The following COL21A1 variants were observed in gnomAD, a reference collection of about 807,000 sequenced individuals.
COL21A1 encodes the protein collagen alpha-1(XXI) chain.
Under a neutral mutation model 137.9 loss-of-function variants are expected in COL21A1, and 149 were observed. The observed-to-expected ratio is 1.08, with a 90% CI of 0.95 to 1.24. The LOEUF is 1.24. Among genes scored for constraint, COL21A1 ranks in the 50% most tolerant of loss-of-function variants. COL21A1 has a pLI of 0.00. For missense variants in COL21A1, 1,167 were observed against 1,158.4 expected, an observed-to-expected ratio of 1.01 and a Z score of -0.11; for synonymous variants, 456 against 391.5, an observed-to-expected ratio of 1.16 and a Z score of -1.95.
intron 3 of COL21A1, among the ~76,000 whole-genome samples, chr6:56,178,929 C>T (rs1036420417): frequency 6.6e-6 from 1 of 151,946 alleles, no homozygotes; most frequent in African/African-American, 2.4e-5. Flanking sequence ...TAATGAAATT[C>T]TAGCTCAGAA....
chr6:56,271,635 G>T (rs1459020124), intron 1 of COL21A1, among the ~76,000 whole-genome samples: 1 of 152,194 alleles, frequency 6.6e-6, no homozygotes, highest in African/African-American at 2.4e-5. Flanking sequence ...TGGGCAAAAT[G>T]TCTCCAGAGC....
intron 1 of COL21A1, among the ~76,000 whole-genome samples, chr6:56,361,040 G>GC (rs2152348457): frequency 6.6e-6 from 1 of 152,334 alleles, no homozygotes; most frequent in Admixed American, 6.5e-5. Context: ...GTTGCAGTGA[G>GC]CCAAGATTGC....
At chr6:56,114,336 C>A (rs2152194100) in intron 16 of COL21A1, among the ~76,000 whole-genome samples, 1 of 152,302 alleles carries the variant, frequency 6.6e-6, no homozygotes, top group Non-Finnish European at 1.5e-5. Context: ...ATCACTCCAT[C>A]CCCAGCTTTA....
rs185495909 is a variant in COL21A1, at chr6:56,126,840, T to C, written c.1543-691A>G. On this transcript the variant is annotated intron_variant, in intron 12 of 29. Coordinates refer to ENST00000244728, the MANE Select transcript of COL21A1 (RefSeq NM_030820.4). ...GCAAAATTTGGGTCAGATTCACTTT[T>C]ATCTAGACAAATTAAGATTACACAC... 4.4e-4 allele frequency among the ~76,000 whole-genome samples: 67 copies of C among 152,334 alleles called. No individual in the cohort carries two copies. In the East Asian group the frequency reaches 0.011, roughly 26 times the overall value.
chr6:56,082,627 A>G (rs1394383086), intron 17 of COL21A1, among the ~76,000 whole-genome samples: 3 of 151,668 alleles, frequency 2.0e-5, no homozygotes, highest in Non-Finnish European at 4.4e-5. Context: ...TAGAAGTTAA[A>G]TCTTTTCCAG....
chr6:56,290,522 C>T (rs374595451), intron 1 of COL21A1, among the ~76,000 whole-genome samples: 7 of 56,954 alleles, frequency 1.2e-4, no homozygotes, highest in African/African-American at 3.1e-4. Flanking sequence ...TTTTTTGAGA[C>T]GAAGTCTTGC....
intron 1 of COL21A1, among the ~76,000 whole-genome samples, chr6:56,222,771 C>A (rs79998830): frequency 1.1e-5 from 1 of 89,218 alleles, no homozygotes; most frequent in East Asian, 7.0e-4. Context: ...AGCTCCTATT[C>A]TTTAAAAAAA....
At position 56,125,593 on chromosome 6, in the gene COL21A1, C is replaced by T. The variant is rs1280324762; in HGVS notation, c.1624G>A (p.Gly542Arg). 7.5e-6 allele frequency: 12 copies of T among 1,598,972 alleles called. No individual in the cohort carries two copies. Among genetic ancestry groups the T allele is most frequent in the Non-Finnish European group, 7.7e-6 (9 of 1,170,154 alleles). Residue 542 changes from glycine (G) to arginine (R), a missense_variant, in exon 14 of 30, where the codon GGA becomes AGA. Gly to Arg is a moderately radical substitution (Grantham distance 125, BLOSUM62 -2). Coordinates refer to ENST00000244728, the MANE Select transcript of COL21A1 (RefSeq NM_030820.4). ...KGEMGAKGDK[G>R]SPGFYGKKGA... The stretch of plus-strand genomic sequence containing the variant: ...TTTTTGCCATAAAATCCAGGTGATC[C>T]TTTGTCTCCTTTGGCACCCATTTCA...
intron 3 of COL21A1, among the ~76,000 whole-genome samples, chr6:56,175,294 G>A (rs147670756): frequency 9.9e-4 from 151 of 152,050 alleles, no homozygotes; most frequent in African/African-American, 3.5e-3. Flanking sequence ...GAGGAATTAG[G>A]CAAGAAAAGA....
intron 1 of COL21A1, among the ~76,000 whole-genome samples, chr6:56,343,440 A>G (rs1765515289): frequency 6.6e-6 from 1 of 152,230 alleles, no homozygotes; most frequent in African/African-American, 2.4e-5. Flanking sequence ...CATGCTTCTC[A>G]CATACGGAAG....
chr6:56,272,209 G>A (rs1763544716), intron 1 of COL21A1, among the ~76,000 whole-genome samples: 1 of 152,240 alleles, frequency 6.6e-6, no homozygotes, highest in Non-Finnish European at 1.5e-5. Context: ...CAGGGGCAGA[G>A]CTGACCATGG....
At chr6:56,270,111 A>C (rs918803881) in intron 1 of COL21A1, among the ~76,000 whole-genome samples, 1 of 152,220 alleles carries the variant, frequency 6.6e-6, no homozygotes, top group African/African-American at 2.4e-5. Flanking sequence ...GCCCCACTTA[A>C]AAGACATAGA....
chr6:56,206,697 AATATATATATAT>A (rs1204449084), intron 1 of COL21A1, among the ~76,000 whole-genome samples: 8 of 32,334 alleles, frequency 2.5e-4, no homozygotes, highest in East Asian at 3.7e-3. Flanking sequence ...TAAATAAATA[AATATATATATAT>A]ATATATATAT....
At chr6:56,341,931 T>A (rs969419720) in intron 1 of COL21A1, among the ~76,000 whole-genome samples, 5 of 151,250 alleles carry the variant, frequency 3.3e-5, no homozygotes, top group African/African-American at 9.9e-5. Flanking sequence ...TCACAAAAAA[T>A]AATGATAAAA....
At chr6:56,269,641 C>T (rs377428983) in intron 1 of COL21A1, among the ~76,000 whole-genome samples, 81 of 112,614 alleles carry the variant, frequency 7.2e-4, no homozygotes, top group African/African-American at 2.5e-3. Flanking sequence ...GGCGACAGAG[C>T]GAGACTCCGT....
At chr6:56,217,394 C>T (rs1561994555) in intron 1 of COL21A1, among the ~76,000 whole-genome samples, 1 of 152,054 alleles carries the variant, frequency 6.6e-6, no homozygotes. Flanking sequence ...CTCCACAGCA[C>T]TGTCAACCAT....
intron 16 of COL21A1, among the ~76,000 whole-genome samples, chr6:56,111,382 G>A (rs907832763): frequency 2.0e-5 from 3 of 152,132 alleles, no homozygotes; most frequent in African/African-American, 7.2e-5. Context: ...AATTACATTA[G>A]TAGAAAAACT....
chr6:56,238,896 T>A (rs1582711563), intron 1 of COL21A1, among the ~76,000 whole-genome samples: 1 of 152,334 alleles, frequency 6.6e-6, no homozygotes, highest in East Asian at 1.9e-4. Flanking sequence ...GAATACTTTG[T>A]ATCTGCCAGC....
intron 1 of COL21A1, among the ~76,000 whole-genome samples, chr6:56,189,281 G>C (rs552350193): frequency 4.6e-5 from 7 of 151,894 alleles, no homozygotes; most frequent in Non-Finnish European, 1.0e-4. Context: ...TAAATGACCT[G>C]ATGGAGCTGA....
Sources: gnomAD v4.1 joint callset for allele counts (sites outside exome capture counted in the v4.1 genomes callset) on GRCh38, gnomAD v4.1.1 for gene constraint, MANE v1.5 for transcripts, NCBI Gene and HGNC (gene_info 2026-07-23, HGNC 2026-07-21) for gene names.